CALD1: variants seen among roughly 807,000 people sequenced by gnomAD.
The protein encoded by CALD1 is caldesmon 1.
Under a neutral mutation model 99.9 loss-of-function variants are expected in CALD1, and 33 were observed. That is an observed-to-expected ratio of 0.33 (90% CI 0.25 to 0.44). The LOEUF (loss-of-function observed/expected upper bound fraction) is 0.44. Ranked by LOEUF, CALD1 falls within the 20% of genes least tolerant of loss-of-function variation. The pLI, the probability that CALD1 is intolerant of heterozygous loss-of-function variation, is 1.00. For synonymous variants in CALD1, 310 were observed against 325.0 expected (o/e 0.95, Z 0.50); for missense variants, 861 against 962.1 (o/e 0.89, Z 1.39).
chr7:134,726,807 G>T, the CALD1 span, among the ~76,000 whole-genome samples: 2 of 152,124 alleles, frequency 1.3e-5, no homozygotes, highest in African/African-American at 4.8e-5. Context: ...GGACAAATGA[G>T]GCCTGGCAGC....
chr7:134,965,321 G>A lies in CALD1; in HGVS notation c.2311G>A (p.Asp771Asn). ...TTTTTATCAGGACTTGAGACCAGGA[G>A]ACGTATCCAGCAAGCGGAACCTCTG... ...APKPSDLRPG[D>N]VSSKRNLWEK... Residue 771 changes from aspartate to asparagine, a missense_variant, in exon 14 of 15, where the codon GAC becomes AAC. Coordinates refer to ENST00000361675, the MANE Select transcript of CALD1 (RefSeq NM_033138.4). 1 of 1,579,158 alleles carries A rather than the reference G, an allele frequency of 6.3e-7. No individual in the cohort carries two copies. The highest frequency in any genetic ancestry group is 8.7e-7 in the Non-Finnish European group (1 of 1,148,110).
intron 2 of CALD1, among the ~76,000 whole-genome samples, chr7:134,856,516 A>G (rs1366955923): frequency 6.6e-6 from 1 of 152,166 alleles, no homozygotes; most frequent in Non-Finnish European, 1.5e-5. Flanking sequence ...ATTGGCTCTG[A>G]ATGTCAGTGT....
At chr7:134,920,830 A>G (rs1804563625) in intron 3 of CALD1, 4 of 500,042 alleles carry the variant, frequency 8.0e-6, no homozygotes, top group Admixed American at 5.6e-5. Flanking sequence ...TTTTCAAAAT[A>G]TAGGAATGTG....
At chr7:134,769,652 A>T (rs1183218258) in intron 1 of CALD1, among the ~76,000 whole-genome samples, 1 of 151,748 alleles carries the variant, frequency 6.6e-6, no homozygotes, top group Non-Finnish European at 1.5e-5. Flanking sequence ...TTTTTTTAAG[A>T]TGGAGTCTTG....
chr7:134,823,772 A>G (rs912518977), intron 1 of CALD1, among the ~76,000 whole-genome samples: 3 of 152,218 alleles, frequency 2.0e-5, no homozygotes, highest in Admixed American at 2.0e-4. Flanking sequence ...CATTTCTCAA[A>G]CATACAATTC....
At chr7:134,782,330 A>G (rs1451358014) in intron 1 of CALD1, among the ~76,000 whole-genome samples, 4 of 152,206 alleles carry the variant, frequency 2.6e-5, no homozygotes, top group African/African-American at 9.6e-5. Flanking sequence ...ATGCTGCCAA[A>G]GAATTTTCAG....
intron 3 of CALD1, among the ~76,000 whole-genome samples, chr7:134,893,088 C>T (rs1563073798): frequency 6.6e-6 from 1 of 152,186 alleles, no homozygotes; most frequent in Non-Finnish European, 1.5e-5. Flanking sequence ...GTCTCTCTCT[C>T]AACTCATGGT....
intron 3 of CALD1, among the ~76,000 whole-genome samples, chr7:134,923,803 T>C (rs1804787096): frequency 1.3e-5 from 2 of 152,218 alleles, no homozygotes; most frequent in Non-Finnish European, 2.9e-5. Context: ...ATTGACAATT[T>C]GTCGATGATT....
chr7:134,895,298 A>ATG (rs71172482), intron 3 of CALD1, among the ~76,000 whole-genome samples: 6,497 of 138,550 alleles, frequency 0.047, 172 homozygotes, highest in African/African-American at 0.086. Flanking sequence ...TTATATATGT[A>ATG]TGTGTGTGTG....
At chr7:134,865,635 C>T (rs921493717) in intron 2 of CALD1, among the ~76,000 whole-genome samples, 1 of 152,164 alleles carries the variant, frequency 6.6e-6, no homozygotes, top group Non-Finnish European at 1.5e-5. Flanking sequence ...AAAGAATTTG[C>T]GTGGGTTAAG....
intron 3 of CALD1, among the ~76,000 whole-genome samples, chr7:134,872,468 C>CT (rs1182737137): frequency 1.3e-5 from 2 of 151,686 alleles, no homozygotes; most frequent in Admixed American, 6.6e-5. Flanking sequence ...CTTTCTCACT[C>CT]TGAGTTCTTG....
chr7:134,741,056 T>C (rs2131532353), upstream of CALD1, among the ~76,000 whole-genome samples: 2 of 152,248 alleles, frequency 1.3e-5, no homozygotes, highest in South Asian at 2.1e-4. Flanking sequence ...AATCAGTCAT[T>C]TGGACTCTAG....
upstream of CALD1, among the ~76,000 whole-genome samples, chr7:134,775,514 A>G (rs1346747959): frequency 1.3e-5 from 2 of 152,318 alleles, no homozygotes; most frequent in African/African-American, 4.8e-5. Flanking sequence ...GATCGAGACC[A>G]TCCTGGCTAA....
chr7:134,875,467 C>G (rs1299765056), intron 3 of CALD1, among the ~76,000 whole-genome samples: 1 of 152,208 alleles, frequency 6.6e-6, no homozygotes, highest in Admixed American at 6.5e-5. Context: ...GAAACCCCAT[C>G]TCTACTAAAA....
intron 3 of CALD1, among the ~76,000 whole-genome samples, chr7:134,868,926 A>G (rs961572685): frequency 3.9e-5 from 6 of 152,196 alleles, no homozygotes; most frequent in African/African-American, 1.4e-4. Flanking sequence ...AGCCTGTGTG[A>G]TTGTTGGGAA....
At chr7:134,733,373 G>T in the CALD1 span, among the ~76,000 whole-genome samples, 1 of 152,052 alleles carries the variant, frequency 6.6e-6, no homozygotes, top group Non-Finnish European at 1.5e-5. Context: ...GGAGTTTATG[G>T]GAAAAATGTC....
chr7:134,735,393 TTGTA>T, the CALD1 span, among the ~76,000 whole-genome samples: 1 of 152,168 alleles, frequency 6.6e-6, no homozygotes, highest in African/African-American at 2.4e-5. Flanking sequence ...ATAACTGAGT[TTGTA>T]TGGGTGAAAT....
chr7:134,875,205 A>G (rs571876666), intron 3 of CALD1, among the ~76,000 whole-genome samples: 1 of 152,136 alleles, frequency 6.6e-6, no homozygotes, highest in Non-Finnish European at 1.5e-5. Context: ...TTCTACTTTT[A>G]TTTTTTATTT....
chr7:134,802,479 A>C lies in CALD1; in HGVS notation c.-130+22730A>C, dbSNP rs1269039116. Among the ~76,000 whole-genome samples the C allele has an allele frequency of 2.0e-5, 3 of 152,226 alleles. No homozygotes were observed. The East Asian group carries it at 5.8e-4, about 29-fold the overall frequency. On this transcript the variant is annotated intron_variant, in intron 1 of 14. Transcript: ENST00000361675. ...GTTTTCCATTGTCCTATTAATGGTC[A>C]TTTGAATCGTTCCCAGTTTGGGATA... is the stretch of plus-strand genomic sequence containing the variant.
Sources: allele counts gnomAD v4.1 joint callset (sites outside exome capture counted in the v4.1 genomes callset), GRCh38; gene constraint gnomAD v4.1.1; transcripts MANE v1.5; gene names NCBI Gene and HGNC (gene_info 2026-07-23, HGNC 2026-07-21).